The following PGAP2 variants were observed in gnomAD, a reference collection of about 807,000 sequenced individuals.
PGAP2 encodes post-GPI attachment to proteins 2.
Under a neutral mutation model 33.2 loss-of-function variants are expected in PGAP2, and 21 were observed. The ratio of observed to expected loss-of-function variants is 0.63; its 90% confidence interval spans 0.45 to 0.91. PGAP2 has a LOEUF of 0.91. Among genes scored for constraint, PGAP2 ranks in the 40% least tolerant of loss-of-function variants. The pLI, the probability that PGAP2 is intolerant of heterozygous loss-of-function variation, is 0.00. For missense variants in PGAP2, 345 were observed against 424.0 expected, an observed-to-expected ratio of 0.81 and a Z score of 1.64; for synonymous variants, 161 against 172.9, an observed-to-expected ratio of 0.93 and a Z score of 0.54.
chr11:3,824,384 C>T lies in PGAP2; in HGVS notation c.708+8C>T. The T allele has an allele frequency of 6.2e-7, 1 of 1,614,174 alleles. No homozygotes were observed. Among genetic ancestry groups the T allele is most frequent in the South Asian group, 1.1e-5 (1 of 91,080 alleles). On this transcript the variant is annotated splice_region_variant and intron_variant, in intron 5 of 6. Transcript: ENST00000278243. ...CACACAGTAAGTCAGGAGGTACGGTCTATCCCTAGCGGGGGCTCCAAGGCA... is the reference window on the plus strand; with the variant it reads ...CACACAGTAAGTCAGGAGGTACGGTTTATCCCTAGCGGGGGCTCCAAGGCA...
At chr11:3,799,402 G>T (rs1423415853) in intron 1 of PGAP2, among the ~76,000 whole-genome samples, 1 of 152,034 alleles carries the variant, frequency 6.6e-6, no homozygotes, top group Non-Finnish European at 1.5e-5. Flanking sequence ...GTCAAGCATG[G>T]TGGTGGGCAC....
chr11:3,811,135 G>C lies in PGAP2; in HGVS notation c.-10-115G>C. On this transcript the variant is annotated intron_variant, in intron 1 of 6. Coordinates refer to ENST00000278243, the MANE Select transcript of PGAP2 (RefSeq NM_014489.4). The surrounding 1 kb of genome is among the most constrained non-coding windows in gnomAD (Gnocchi z 4.6). ...CCAAGTTTAGGTGCCTTCCTCCTCA[G>C]ACTCCCCACCCCACAGCACACAGCT... 1.1e-6 allele frequency: 1 copy of C among 914,478 alleles called. No individual in the cohort carries two copies. The allele number at this position is 914,478 out of a possible 1,614,324, so 56.6% of individuals were successfully genotyped here.
intron 4 of PGAP2, 53 bp from the exon 5 acceptor site, chr11:3,824,217 T>C: frequency 6.2e-7 from 1 of 1,612,610 alleles, no homozygotes; most frequent in East Asian, 2.2e-5. Flanking sequence ...ACCTTCCTAC[T>C]TCGTGGTGTG....
At position 3,824,927 on chromosome 11, in the gene PGAP2, A is replaced by AT. The variant is rs2089740333; in HGVS notation, c.709-92dup. ...TGACCGCTAGTGGGAGCCAAGGGAGATAAGGCCCAGCCCTTAGGAGTTAGG... is the reference window on the plus strand; with the variant it reads ...TGACCGCTAGTGGGAGCCAAGGGAGATTAAGGCCCAGCCCTTAGGAGTTAGG... On this transcript the variant is annotated intron_variant, in intron 5 of 6. Transcript: ENST00000278243. The AT allele has an allele frequency of 4.2e-5, 66 of 1,563,558 alleles. 1 individual carries two copies. The South Asian group carries it at 6.3e-4, about 15-fold the overall frequency.
At chr11:3,824,732 A>G (rs1344962134) in intron 5 of PGAP2, 8 of 1,244,350 alleles carry the variant, frequency 6.4e-6, no homozygotes, top group Non-Finnish European at 8.6e-6. Context: ...CTTTTCCCCC[A>G]CAGTATTTGG....
chr11:3,820,633 C>A (rs1315161650), intron 3 of PGAP2, among the ~76,000 whole-genome samples: 1 of 151,652 alleles, frequency 6.6e-6, no homozygotes, highest in Non-Finnish European at 1.5e-5. Context: ...GCACTCCAGC[C>A]TAGGCAACAA....
chr11:3,817,885 A>T (rs557982169), intron 3 of PGAP2: 82 of 472,778 alleles, frequency 1.7e-4, no homozygotes, highest in African/African-American at 1.3e-3. Context: ...CTGTACAAAA[A>T]ATGCAAAAAA....
chr11:3,824,552 C>A, intron 5 of PGAP2, 176 bp downstream of exon 5: 1 of 941,968 alleles, frequency 1.1e-6, no homozygotes, highest in Non-Finnish European at 1.6e-6. Context: ...TGGTCAGAAT[C>A]TAGGACTATA....
intron 1 of PGAP2, among the ~76,000 whole-genome samples, chr11:3,800,379 G>A (rs1423465945): frequency 1.3e-5 from 2 of 152,224 alleles, no homozygotes; most frequent in Admixed American, 1.3e-4. Flanking sequence ...GCACGAATGA[G>A]TGAATTATTT....
upstream of PGAP2, among the ~76,000 whole-genome samples, chr11:3,806,878 C>T (rs748495620): frequency 9.9e-5 from 15 of 152,048 alleles, 1 homozygote; most frequent in Middle Eastern, 0.017. Flanking sequence ...AAAAATTAGC[C>T]GGGCATGGTG....
In PGAP2 at chr11:3,811,258, A is replaced by T; in HGVS notation, c.-2A>T. 1 of 1,612,352 alleles carries T rather than the reference A, an allele frequency of 6.2e-7. No homozygotes were observed. Among genetic ancestry groups the T allele is most frequent in the Non-Finnish European group, 8.5e-7 (1 of 1,178,950 alleles). ...TGCCACTCCATCCCCAGGTCTGACAAGATGTACCAGGTCCCACTACCACTG... is the reference window on the plus strand; with the variant it reads ...TGCCACTCCATCCCCAGGTCTGACATGATGTACCAGGTCCCACTACCACTG... On this transcript the variant is annotated 5_prime_UTR_variant, in exon 2 of 7. It adds an upstream start codon to the 5' untranslated region. Transcript: ENST00000278243. This position sits in a 1 kb window ranked among gnomAD's most constrained non-coding sequence, Gnocchi z 4.6.
intron 3 of PGAP2, among the ~76,000 whole-genome samples, chr11:3,822,166 C>T (rs1185594599): frequency 4.0e-5 from 6 of 151,412 alleles, no homozygotes; most frequent in African/African-American, 1.5e-4. Flanking sequence ...AGATTGAGAC[C>T]ATCCTGGCTA....
Position 3,811,143 on chromosome 11 carries a change from AC to A in PGAP2, c.-10-103del. 9.8e-7 allele frequency: 1 copy of A among 1,018,668 alleles called. No homozygotes were observed. Among genetic ancestry groups the A allele is most frequent in the Non-Finnish European group, 1.4e-6 (1 of 695,954 alleles). 63.1% of individuals were successfully genotyped at this position (1,018,668 alleles called of 1,614,324 possible). On this transcript the variant is annotated intron_variant, in intron 1 of 6. Coordinates refer to ENST00000278243, the MANE Select transcript of PGAP2 (RefSeq NM_014489.4). The surrounding 1 kb of genome is among the most constrained non-coding windows in gnomAD (Gnocchi z 4.6). ...AGGTGCCTTCCTCCTCAGACTCCCC[AC>A]CCCACAGCACACAGCTAATTTTAGG...
chr11:3,823,024 CT>C (rs746736798), intron 3 of PGAP2: 11,434 of 304,590 alleles, frequency 0.038, 9 homozygotes, highest in African/African-American at 0.069. Context: ...TTTTTCTTTT[CT>C]TTTTTTTTTT....
rs755456394 is a variant in PGAP2, at chr11:3,823,993, C to T, written c.459C>T (p.Ala153=). The change falls in exon 4 of 7, where the codon GCC becomes GCT. Residue 153 remains alanine (A), a synonymous_variant. Transcript: ENST00000278243. ...GLHSAPRFLV[A]FAYWNHYLSC... is the part of the protein sequence containing the mutation. ...ACTCGGCGCCTCGCTTCTTGGTGGCCTTCGCCTACTGGAACCACTACCTCA... is the reference window on the plus strand; with the variant it reads ...ACTCGGCGCCTCGCTTCTTGGTGGCTTTCGCCTACTGGAACCACTACCTCA... 2 of 1,613,748 alleles carry T rather than the reference C, an allele frequency of 1.2e-6. No homozygotes were observed. The highest frequency in any genetic ancestry group is 1.7e-6 in the Non-Finnish European group (2 of 1,180,028).
At chr11:3,817,782 C>T in intron 3 of PGAP2, 1 of 644,610 alleles carries the variant, frequency 1.6e-6, no homozygotes, top group Non-Finnish European at 2.9e-6. Flanking sequence ...CGCAGTGGCT[C>T]ATACCTGTAA....
intron 3 of PGAP2, 100 bp downstream of exon 3, chr11:3,817,635 G>A: frequency 3.0e-6 from 3 of 992,308 alleles, no homozygotes; most frequent in Non-Finnish European, 4.8e-6. Context: ...TCAGAGAGAG[G>A]GAAAGGGACA....
At chr11:3,799,939 G>A (rs1419740487) in intron 1 of PGAP2, among the ~76,000 whole-genome samples, 2 of 152,094 alleles carry the variant, frequency 1.3e-5, no homozygotes, top group East Asian at 1.9e-4. Flanking sequence ...TGCCACTCCC[G>A]CCTGGGCAAC....
chr11:3,806,840 G>A (rs1446667393), upstream of PGAP2, among the ~76,000 whole-genome samples: 1 of 152,088 alleles, frequency 6.6e-6, no homozygotes, highest in Non-Finnish European at 1.5e-5. Flanking sequence ...TGACCAATAT[G>A]GCGAAACCCC....
Sources: gnomAD v4.1 joint callset for allele counts (sites outside exome capture counted in the v4.1 genomes callset) on GRCh38, gnomAD v4.1.1 for gene constraint, Gnocchi (gnomAD v3.1) non-coding constraint, MANE v1.5 for transcripts, NCBI Gene and HGNC (gene_info 2026-07-23, HGNC 2026-07-21) for gene names.